TBL1Y: variants seen among roughly 807,000 people sequenced by gnomAD.
TBL1Y encodes F-box-like/WD repeat-containing protein TBL1Y.
TBL1Y carries 15 observed loss-of-function variants against 12.0 expected under a neutral mutation model. That is an observed-to-expected ratio of 1.25 (90% confidence interval 0.83 to 1.92). The LOEUF is 1.92. TBL1Y is among the 40% of genes most tolerant of loss of function. TBL1Y has a pLI of 0.00. For synonymous variants in TBL1Y, 53 were observed against 42.6 expected (o/e 1.24, Z -0.95); for missense variants, 148 against 116.7 (o/e 1.27, Z -1.24).
At chrY:6,979,337 G>A (rs766292664) in intron 3 of TBL1Y, among the ~76,000 whole-genome samples, 37 of 33,728 alleles carry the variant, frequency 1.1e-3, no homozygotes, top group African/African-American at 3.7e-3. Context: ...TGAATAGCTC[G>A]TATGTTTAAC....
intron 2 of TBL1Y, among the ~76,000 whole-genome samples, chrY:6,962,867 C>T: frequency 3.0e-5 from 1 of 33,561 alleles, no homozygotes; most frequent in South Asian, 6.6e-4. Flanking sequence ...GTCACTTCCA[C>T]ACAATTTTAC....
intron 7 of TBL1Y, among the ~76,000 whole-genome samples, chrY:7,044,991 G>A: frequency 3.0e-5 from 1 of 32,838 alleles, no homozygotes; most frequent in African/African-American, 1.2e-4. Context: ...CAAAGCCATA[G>A]CTGTAAAAAC....
At chrY:7,040,950 A>C in intron 6 of TBL1Y, among the ~76,000 whole-genome samples, 2 of 34,322 alleles carry the variant, frequency 5.8e-5, no homozygotes, top group African/African-American at 2.3e-4. Flanking sequence ...AGAATGCATG[A>C]GTGAGACTGG....
chrY:7,047,869 C>T, intron 7 of TBL1Y, among the ~76,000 whole-genome samples: 2 of 27,397 alleles, frequency 7.3e-5, no homozygotes, highest in Non-Finnish European at 1.7e-4. Context: ...ACGCCATTCT[C>T]CTGCCTCAGC....
chrY:6,943,971 T>A (rs866574666), intron 2 of TBL1Y, among the ~76,000 whole-genome samples: 1 of 33,761 alleles, frequency 3.0e-5, no homozygotes, highest in Non-Finnish European at 7.4e-5. Flanking sequence ...GCCACTCACA[T>A]TGAGTTGTGT....
chrY:7,022,757 T>C (rs2012589841), intron 5 of TBL1Y, among the ~76,000 whole-genome samples: 1 of 32,779 alleles, frequency 3.1e-5, no homozygotes, highest in African/African-American at 1.2e-4. Context: ...ATATACAAGT[T>C]TTTGTGGGGA....
At chrY:6,965,499 G>C in intron 2 of TBL1Y, among the ~76,000 whole-genome samples, 1 of 32,932 alleles carries the variant, frequency 3.0e-5, no homozygotes, top group Non-Finnish European at 7.4e-5. Flanking sequence ...TCCCCTCCTT[G>C]CTCAGGTGTG....
rs2012665877 is a variant in TBL1Y, at chrY:7,033,131, TA to T, written c.58+7996del. Among the ~76,000 whole-genome samples, 4 of 32,099 alleles carry T rather than the reference TA, an allele frequency of 1.2e-4. No individual in the cohort carries two copies. In the East Asian group the frequency reaches 2.5e-3, roughly 20 times the overall value. 86.1% of individuals were successfully genotyped at this position (32,099 alleles called of 37,273 possible). ...AGAGACAAGAATCAAATAGACACAA[TA>T]AAAAAATGATAAAGAGGATATCACT... On this transcript the variant is annotated intron_variant, in intron 6 of 18. Transcript: ENST00000383032.
chrY:7,017,275 A>T, intron 4 of TBL1Y, among the ~76,000 whole-genome samples: 3 of 33,515 alleles, frequency 9.0e-5, no homozygotes, highest in Non-Finnish European at 2.2e-4. Flanking sequence ...AAACAATAAA[A>T]TTTTTTAAAA....
intron 13 of TBL1Y, among the ~76,000 whole-genome samples, chrY:7,079,446 T>A: frequency 2.9e-5 from 1 of 33,908 alleles, no homozygotes; most frequent in Non-Finnish European, 7.3e-5. Flanking sequence ...ACTAGGGCCC[T>A]GGACATTTTG....
At chrY:6,957,888 A>G (rs2012079777) in intron 2 of TBL1Y, among the ~76,000 whole-genome samples, 1 of 34,060 alleles carries the variant, frequency 2.9e-5, no homozygotes, top group African/African-American at 1.1e-4. Context: ...TGTTAAAGGA[A>G]TAGCTGAGCA....
intron 4 of TBL1Y, among the ~76,000 whole-genome samples, chrY:7,007,945 A>G: frequency 3.0e-5 from 1 of 33,620 alleles, no homozygotes; most frequent in Non-Finnish European, 7.3e-5. Flanking sequence ...GCTTAGTGGC[A>G]CAGAGAGGTT....
intron 4 of TBL1Y, among the ~76,000 whole-genome samples, chrY:7,011,303 G>A: frequency 2.9e-5 from 1 of 33,900 alleles, no homozygotes; most frequent in Admixed American, 2.6e-4. Context: ...TCCAGACATT[G>A]CCCACTGTCC....
intron 3 of TBL1Y, among the ~76,000 whole-genome samples, chrY:6,991,575 C>T (rs771444356): frequency 9.1e-5 from 3 of 33,072 alleles, no homozygotes; most frequent in South Asian, 7.0e-4. Flanking sequence ...AATTTGGACA[C>T]GCTCATACAG....
At chrY:7,014,737 G>T (rs2012539844) in intron 4 of TBL1Y, among the ~76,000 whole-genome samples, 1 of 33,092 alleles carries the variant, frequency 3.0e-5, no homozygotes, top group African/African-American at 1.2e-4. Context: ...AGGGGTGGGT[G>T]ACTCTTAAGA....
At position 7,090,191 on chromosome Y, in the gene TBL1Y, G is replaced by A; in HGVS notation, c.1548+1G>A. The A allele has an allele frequency of 5.1e-6, 2 of 394,011 alleles. No individual in the cohort carries two copies. The highest frequency in any genetic ancestry group is 7.2e-6 in the Non-Finnish European group (2 of 279,435). ...GGGCGCCAGCGCGTCTGATGGCTCT[G>A]TAAGCAACACCTCTGGTTTACCAGG... On this transcript the variant is annotated splice_donor_variant, in intron 18 of 18. Transcript: ENST00000383032. LOFTEE classifies it high-confidence loss of function.
chrY:6,937,465 A>G, intron 2 of TBL1Y, among the ~76,000 whole-genome samples: 1 of 33,130 alleles, frequency 3.0e-5, no homozygotes, highest in Non-Finnish European at 7.4e-5. Flanking sequence ...CAGTCTCGGA[A>G]GACTGAGGCA....
At chrY:7,084,729 C>T in intron 14 of TBL1Y, among the ~76,000 whole-genome samples, 1 of 33,611 alleles carries the variant, frequency 3.0e-5, no homozygotes, top group Non-Finnish European at 7.3e-5. Flanking sequence ...TGGGTTAGAG[C>T]GCTCACCCTG....
At chrY:6,984,659 C>T in intron 3 of TBL1Y, among the ~76,000 whole-genome samples, 1 of 33,917 alleles carries the variant, frequency 2.9e-5, no homozygotes, top group Non-Finnish European at 7.3e-5. Context: ...CTTTCTATTC[C>T]TCCTCTCCTA....
Sources: gnomAD v4.1 joint callset for allele counts (sites outside exome capture counted in the v4.1 genomes callset) on GRCh38, gnomAD v4.1.1 for gene constraint, MANE v1.5 for transcripts, NCBI Gene and HGNC (gene_info 2026-07-23, HGNC 2026-07-21) for gene names.